Variants in CNTN2 observed in about 807,000 individuals in gnomAD.
CNTN2 encodes contactin-2.
CNTN2 carries 53 observed loss-of-function variants against 117.5 expected under a neutral mutation model. The observed-to-expected ratio is 0.45, with a 90% CI of 0.36 to 0.57. CNTN2 has a LOEUF of 0.57. Among genes scored for constraint, CNTN2 ranks in the 20% least tolerant of loss-of-function variants. CNTN2 has a pLI of 0.00. For missense variants in CNTN2, 1,106 were observed against 1,404.3 expected, an observed-to-expected ratio of 0.79 and a Z score of 3.39; for synonymous variants, 530 against 561.7, an observed-to-expected ratio of 0.94 and a Z score of 0.80.
rs201887646 is a variant in CNTN2 at position 205,053,132 on chromosome 1, A to T, written c.-54A>T. The T allele has an allele frequency of 6.2e-3, 9,045 of 1,461,608 alleles. 53 individuals carry two copies. The highest frequency in any genetic ancestry group is 7.3e-3 in the Non-Finnish European group (7,764 of 1,064,018). The allele number at this position is 1,461,608 out of a possible 1,614,324, so 90.5% of individuals were successfully genotyped here. ...CTCAGCCTCCAGCTGGGCTGTCCCC[A>T]AGCTGAGCTGAGGCTCTTCTCCTCC... is the stretch of plus-strand genomic sequence containing the variant. On this transcript the variant is annotated 5_prime_UTR_variant, in exon 2 of 23. Coordinates refer to ENST00000331830, the MANE Select transcript of CNTN2 (RefSeq NM_005076.5).
chr1:205,054,636 T>C (rs4951163), intron 2 of CNTN2, among the ~76,000 whole-genome samples: 143,515 of 152,266 alleles, frequency 0.94, 67,718 homozygotes, highest in East Asian at 1. Flanking sequence ...CAGAGACACA[T>C]GAAGCCAATG....
chr1:205,060,902 A>T (rs1374824944), intron 7 of CNTN2: 1 of 251,780 alleles, frequency 4.0e-6, no homozygotes, highest in Non-Finnish European at 7.6e-6. Flanking sequence ...CCCAGGTCAC[A>T]GGCCACTGTG....
intron 2 of CNTN2, among the ~76,000 whole-genome samples, chr1:205,055,241 C>T (rs548504248): frequency 1.3e-5 from 2 of 152,232 alleles, no homozygotes; most frequent in South Asian, 2.1e-4. Flanking sequence ...CTCGAACTCT[C>T]GAGCTCAGGT....
intron 1 of CNTN2, among the ~76,000 whole-genome samples, chr1:205,050,746 G>T (rs1221430613): frequency 6.6e-6 from 1 of 152,166 alleles, no homozygotes; most frequent in Non-Finnish European, 1.5e-5. Flanking sequence ...AGCCTCCCGA[G>T]TAGCTGGGAT....
intron 1 of CNTN2, among the ~76,000 whole-genome samples, chr1:205,052,268 G>A (rs2096454183): frequency 6.6e-6 from 1 of 152,192 alleles, no homozygotes; most frequent in Admixed American, 6.5e-5. Flanking sequence ...TCCTCCCAGG[G>A]ACTGGGAGTG....
chr1:205,068,999 A>G (rs1388953689), intron 16 of CNTN2: 1 of 127,182 alleles, frequency 7.9e-6, no homozygotes, highest in African/African-American at 3.0e-5. Flanking sequence ...GCCCAAAAGT[A>G]GTTTGTTTTG....
At position 205,059,072 on chromosome 1, in the gene CNTN2, C is replaced by A; in HGVS notation, c.488-12C>A. The A allele has an allele frequency of 6.2e-7, 1 of 1,614,018 alleles. No individual in the cohort carries two copies. The highest frequency in any genetic ancestry group is 1.1e-5 in the South Asian group (1 of 91,066). On this transcript the variant is annotated splice_polypyrimidine_tract_variant and intron_variant, in intron 5 of 22. Transcript: ENST00000331830. The surrounding 1 kb of genome is among the most constrained non-coding windows in gnomAD (Gnocchi z 5.6). ...AGCACCCCCTGGTTTCCTCAAACTC[C>A]TCACATCCTAGGCTTGTCCTACCGC...
intron 1 of CNTN2, among the ~76,000 whole-genome samples, chr1:205,052,220 G>A (rs1281799249): frequency 6.6e-6 from 1 of 152,182 alleles, no homozygotes; most frequent in African/African-American, 2.4e-5. Context: ...TGGAAAGCAG[G>A]CCCCTGACAT....
Position 205,073,454 on chromosome 1 carries a change from G to A in CNTN2, c.3014-202G>A. On this transcript the variant is annotated intron_variant, in intron 22 of 22. Coordinates refer to ENST00000331830, the MANE Select transcript of CNTN2 (RefSeq NM_005076.5). This position sits in a 1 kb window ranked among gnomAD's most constrained non-coding sequence, Gnocchi z 6.3. The stretch of plus-strand genomic sequence containing the variant: ...CGAGGGCCAGGGAAGGGCGCAGGGT[G>A]CAGGGGGAGGCTGAGGACCAACCAG... 1.3e-6 allele frequency: 1 copy of A among 745,732 alleles called. No homozygotes were observed. Among genetic ancestry groups the A allele is most frequent in the Non-Finnish European group, 2.2e-6 (1 of 460,960 alleles). The allele number at this position is 745,732 out of a possible 1,614,324, so 46.2% of individuals were successfully genotyped here. A position where few individuals can be genotyped will look rare whatever the true frequency, so the allele number is the denominator to read the frequency against.
intron 7 of CNTN2, chr1:205,060,078 A>T (rs1196364625): frequency 4.4e-6 from 1 of 226,506 alleles, no homozygotes; most frequent in Non-Finnish European, 8.8e-6. Context: ...TATGGTGGTG[A>T]TAATAGTACC....
intron 15 of CNTN2, among the ~76,000 whole-genome samples, 154 bp downstream of exon 15, chr1:205,066,753 T>C (rs527425683): frequency 6.6e-6 from 1 of 152,216 alleles, no homozygotes; most frequent in East Asian, 1.9e-4. Context: ...GCAGAGAGCA[T>C]GCAGGCAGGC....
intron 2 of CNTN2, among the ~76,000 whole-genome samples, chr1:205,056,853 T>G (rs1653659270): frequency 6.6e-6 from 1 of 152,188 alleles, no homozygotes; most frequent in South Asian, 2.1e-4. Context: ...CAATGATGCA[T>G]GAAGAGAGAG....
rs558753015 is a variant in CNTN2, at chr1:205,061,072, G to A, written c.798-173G>A. On this transcript the variant is annotated intron_variant, in intron 7 of 22. Transcript: ENST00000331830. The surrounding 1 kb of genome is among the most constrained non-coding windows in gnomAD (Gnocchi z 4.8). ...CTTGCCCCTTCCCTGCGTGTGCTCC[G>A]AGCCTACCTGGGAGAGGAGAGTGAG... 2.5e-5 allele frequency: 17 copies of A among 683,352 alleles called. No individual in the cohort carries two copies. Among genetic ancestry groups the A allele is most frequent in the African/African-American group, 5.5e-5 (3 of 54,720 alleles). 42.3% of individuals were successfully genotyped at this position (683,352 alleles called of 1,614,324 possible). A position where few individuals can be genotyped will look rare whatever the true frequency, so the allele number is the denominator to read the frequency against.
chr1:205,069,555 C>G lies in CNTN2; in HGVS notation c.2190C>G (p.Asn730Lys). 1.2e-6 allele frequency: 2 copies of G among 1,613,338 alleles called. No individual in the cohort carries two copies. Among genetic ancestry groups the G allele is most frequent in the Non-Finnish European group, 1.7e-6 (2 of 1,180,014 alleles). ...GGGAPGELIV[N>K]WTPMSREYQN... ...GAGCCCCCGGAGAGCTCATCGTCAA[C>G]TGGACGGTAAGCTGCAAGGGTCAGA... The change falls in exon 17 of 23, where the codon AAC becomes AAG. Residue 730 changes from asparagine (N) to lysine (K), a missense_variant. Physicochemically the swap from Asn to Lys is moderately conservative, Grantham distance 94 (BLOSUM62 0). Transcript: ENST00000331830.
At chr1:205,062,220 A>T in intron 9 of CNTN2, 1 of 817,186 alleles carries the variant, frequency 1.2e-6, no homozygotes, top group Non-Finnish European at 1.9e-6. Flanking sequence ...AAAAGAAGTG[A>T]TGTGGTCCTG....
chr1:205,070,857 A>C, intron 19 of CNTN2: 1 of 183,478 alleles, frequency 5.5e-6, no homozygotes, highest in South Asian at 1.0e-4. Flanking sequence ...TTAGCTGGGC[A>C]TGGTGGCCCA....
At position 205,072,545 on chromosome 1, in the gene CNTN2, T is replaced by C. The variant is rs1654651216; in HGVS notation, c.2794T>C (p.Trp932Arg). The C allele has an allele frequency of 1.2e-6, 2 of 1,614,082 alleles. No homozygotes were observed. The highest frequency in any genetic ancestry group is 1.7e-5 in the Admixed American group (1 of 60,014). ...CTCAAGCTCTAGTCTTAGCATTAAG[T>C]GGGACCCTGTGGTCCCTTTCCGAAA... ...TFSSSSLSIK[W>R]DPVVPFRNES... Residue 932 changes from tryptophan to arginine, a missense_variant, in exon 21 of 23, where the codon TGG (tryptophan) becomes CGG (arginine). Transcript: ENST00000331830.
chr1:205,049,843 A>G (rs761474077), intron 1 of CNTN2, among the ~76,000 whole-genome samples: 1 of 152,214 alleles, frequency 6.6e-6, no homozygotes, highest in Non-Finnish European at 1.5e-5. Context: ...AAAGTCCTGC[A>G]TATAAAGCAG....
At chr1:205,070,769 G>A in intron 19 of CNTN2, 1 of 338,374 alleles carries the variant, frequency 3.0e-6, no homozygotes, top group Non-Finnish European at 5.6e-6. Flanking sequence ...GGCTGAGGCG[G>A]TAGATCTCCT....
Sources: gnomAD v4.1 joint callset for allele counts (sites outside exome capture counted in the v4.1 genomes callset) on GRCh38, gnomAD v4.1.1 for gene constraint, Gnocchi (gnomAD v3.1) non-coding constraint, MANE v1.5 for transcripts, NCBI Gene and HGNC (gene_info 2026-07-23, HGNC 2026-07-21) for gene names.